PRKCG: variants seen among roughly 807,000 people sequenced by gnomAD.
PRKCG encodes protein kinase C gamma, also known as protein kinase C gamma type.
PRKCG carries 28 observed loss-of-function variants against 82.0 expected under a neutral mutation model. The observed-to-expected ratio is 0.34, with a 90% confidence interval of 0.25 to 0.47. The LOEUF (loss-of-function observed/expected upper bound fraction) is 0.47, where lower values mean the gene tolerates loss of function less well. PRKCG is among the 20% of genes least tolerant of loss of function. PRKCG has a pLI of 1.00. For missense variants in PRKCG, 640 were observed against 952.7 expected (o/e 0.67, Z 4.32); for synonymous variants, 383 against 376.6 (o/e 1.02, Z -0.20).
intron 17 of PRKCG, 83 bp from the exon 18 acceptor site, chr19:53,906,624 A>G (rs2068813791): frequency 7.0e-6 from 11 of 1,560,918 alleles, no homozygotes; most frequent in Non-Finnish European, 9.7e-6. Flanking sequence ...TGCAGGAGAC[A>G]GGAGATGAGA....
chr19:53,906,064 C>CT (rs1295428915), intron 16 of PRKCG, among the ~76,000 whole-genome samples: 1 of 74,864 alleles, frequency 1.3e-5, no homozygotes, highest in Non-Finnish European at 2.3e-5. Flanking sequence ...CCTCCTCCTC[C>CT]TCCTCCTCCT....
chr19:53,902,890 CAAAAAAA>C (rs56955659), intron 14 of PRKCG, among the ~76,000 whole-genome samples, 176 bp from the exon 15 acceptor site: 22 of 19,976 alleles, frequency 1.1e-3, no homozygotes, highest in Admixed American at 2.9e-3. Context: ...GAGACCCTGT[CAAAAAAA>C]AAAAAAAAAA....
rs144823225 is a variant in PRKCG at position 53,904,353 on chromosome 19, G to A, written c.1657-282G>A. ...CTCTCTTCTATTTAACTGACATGTT[G>A]CATAATTAACAGCCTGCTGATTTAC... On this transcript the variant is annotated intron_variant, in intron 15 of 17. Coordinates refer to ENST00000263431, the MANE Select transcript of PRKCG (RefSeq NM_002739.5). Among the ~76,000 whole-genome samples, 356 of 150,628 alleles carry A rather than the reference G, an allele frequency of 2.4e-3. 1 individual carries two copies. The highest frequency in any genetic ancestry group is 3.8e-3 in the Non-Finnish European group (257 of 67,768).
In PRKCG at chr19:53,882,785, T is replaced by C; in HGVS notation, c.170+121T>C. ...TAGTCCCGACTCCCAGGTTCTAGGA[T>C]GGCCAGGGAACGCTGGGAGCTTCGA... On this transcript the variant is annotated intron_variant, in intron 1 of 17. Coordinates refer to ENST00000263431, the MANE Select transcript of PRKCG (RefSeq NM_002739.5). This position sits in a 1 kb window ranked among gnomAD's most constrained non-coding sequence, Gnocchi z 6.1. The C allele has an allele frequency of 7.3e-7, 1 of 1,368,866 alleles. No individual in the cohort carries two copies. The highest frequency in any genetic ancestry group is 9.8e-7 in the Non-Finnish European group (1 of 1,023,168). The allele number at this position is 1,368,866 out of a possible 1,614,324, so 84.8% of individuals were successfully genotyped here.
In PRKCG at chr19:53,892,377, A is replaced by T; in HGVS notation, c.687-132A>T. 1 of 1,380,572 alleles carries T rather than the reference A, an allele frequency of 7.2e-7. No homozygotes were observed. Among genetic ancestry groups the T allele is most frequent in the Non-Finnish European group, 9.8e-7 (1 of 1,017,446 alleles). The allele number at this position is 1,380,572 out of a possible 1,614,324, so 85.5% of individuals were successfully genotyped here. ...GAGAGAGCCCGGCTGGGAAGGTCAG[A>T]GGTCGGAGACCGACAAAGCAGGAGA... is the stretch of plus-strand genomic sequence containing the variant. On this transcript the variant is annotated intron_variant, in intron 6 of 17. Coordinates refer to ENST00000263431, the MANE Select transcript of PRKCG (RefSeq NM_002739.5). The surrounding 1 kb of genome is among the most constrained non-coding windows in gnomAD (Gnocchi z 5.9).
chr19:53,891,815 A>G lies in PRKCG; in HGVS notation c.671A>G (p.Asn224Ser). 2 of 1,614,074 alleles carry G rather than the reference A, an allele frequency of 1.2e-6. No individual in the cohort carries two copies. The highest frequency in any genetic ancestry group is 1.7e-6 in the Non-Finnish European group (2 of 1,179,976). Residue 224 changes from asparagine (N) to serine (S), a missense_variant, in exon 6 of 18, where the codon AAT becomes AGT. Coordinates refer to ENST00000263431, the MANE Select transcript of PRKCG (RefSeq NM_002739.5). ...TVKATLNPVW[N>S]ETFVFNLKPG... The stretch of plus-strand genomic sequence containing the variant: ...AAAGCCACGCTAAACCCTGTGTGGA[A>G]TGAGACCTTTGTGTTGTGAGTCTGG...
chr19:53,889,746 T>C lies in PRKCG; in HGVS notation c.394T>C (p.Ser132Pro), dbSNP rs2122988688. ...YGLVHQGMKC[S>P]CCEMNVHRRC... The stretch of plus-strand genomic sequence containing the variant: ...GCTTGTGCACCAGGGCATGAAATGC[T>C]CCTGTGAGTGACCTGGGCCTTGCCA... Residue 132 changes from serine (S) to proline (P), a missense_variant, in exon 4 of 18, where the codon TCC becomes CCC. Coordinates refer to ENST00000263431, the MANE Select transcript of PRKCG (RefSeq NM_002739.5). This position sits in a 1 kb window ranked among gnomAD's most constrained non-coding sequence, Gnocchi z 4.4. 6.2e-7 allele frequency: 1 copy of C among 1,613,728 alleles called. No homozygotes were observed. Among genetic ancestry groups the C allele is most frequent in the Non-Finnish European group, 8.5e-7 (1 of 1,179,850 alleles).
At position 53,906,078 on chromosome 19, in the gene PRKCG, C is replaced by T. The variant is rs780725368; in HGVS notation, c.1765-239C>T. ...TCCTCCTCCTCCTCCTCCTCCTCCTCCTCCTCCTTCTTCTTCTTCTTCTTC... is the reference window on the plus strand; with the variant it reads ...TCCTCCTCCTCCTCCTCCTCCTCCTTCTCCTCCTTCTTCTTCTTCTTCTTC... On this transcript the variant is annotated intron_variant, in intron 16 of 17. Transcript: ENST00000263431. Among the ~76,000 whole-genome samples, 405 of 43,616 alleles carry T rather than the reference C, an allele frequency of 9.3e-3. 4 individuals carry two copies. The highest frequency in any genetic ancestry group is 0.017 in the Middle Eastern group (1 of 60). The allele number at this position is 43,616 out of a possible 152,430, so 28.6% of individuals were successfully genotyped here.
At chr19:53,906,628 G>C in intron 17 of PRKCG, 79 bp from the exon 18 acceptor site, 2 of 1,564,532 alleles carry the variant, frequency 1.3e-6, no homozygotes, top group Non-Finnish European at 1.8e-6. Flanking sequence ...GGAGACAGGA[G>C]ATGAGACTGG....
In PRKCG at chr19:53,907,243, A is replaced by G; in HGVS notation, c.*348A>G. ...TTGGTAGTTCTGTGCCTCCCCCCAGACCCCGCCCCTGGGGAAATAGCCTCA... is the reference window on the plus strand; with the variant it reads ...TTGGTAGTTCTGTGCCTCCCCCCAGGCCCCGCCCCTGGGGAAATAGCCTCA... On this transcript the variant is annotated 3_prime_UTR_variant, in exon 18 of 18. Coordinates refer to ENST00000263431, the MANE Select transcript of PRKCG (RefSeq NM_002739.5). The G allele has an allele frequency of 2.7e-6, 1 of 368,084 alleles. No homozygotes were observed. The highest frequency in any genetic ancestry group is 5.1e-6 in the Non-Finnish European group (1 of 195,796). 22.8% of individuals were successfully genotyped at this position (368,084 alleles called of 1,614,324 possible). A position where few individuals can be genotyped will look rare whatever the true frequency, so the allele number is the denominator to read the frequency against.
rs1271670102 is a variant in PRKCG, at chr19:53,883,998, G to C, written c.203-163G>C. The stretch of plus-strand genomic sequence containing the variant: ...TTTCTGTCTCCTGCTTCTCTCTCTG[G>C]CCTCCGATTTTCTCTCTGTTGGACT... On this transcript the variant is annotated intron_variant, in intron 2 of 17. Coordinates refer to ENST00000263431, the MANE Select transcript of PRKCG (RefSeq NM_002739.5). This position sits in a 1 kb window ranked among gnomAD's most constrained non-coding sequence, Gnocchi z 5.4. Among the ~76,000 whole-genome samples, 2 of 151,646 alleles carry C rather than the reference G, an allele frequency of 1.3e-5. No homozygotes were observed. The highest frequency in any genetic ancestry group is 2.9e-5 in the Non-Finnish European group (2 of 67,916).
chr19:53,884,100 T>C lies in PRKCG; in HGVS notation c.203-61T>C. 2 of 1,532,866 alleles carry C rather than the reference T, an allele frequency of 1.3e-6. No homozygotes were observed. Among genetic ancestry groups the C allele is most frequent in the South Asian group, 1.1e-5 (1 of 89,412 alleles). 95.0% of individuals were successfully genotyped at this position (1,532,866 alleles called of 1,614,324 possible). A position where few individuals can be genotyped will look rare whatever the true frequency, so the allele number is the denominator to read the frequency against. On this transcript the variant is annotated intron_variant, in intron 2 of 17. Coordinates refer to ENST00000263431, the MANE Select transcript of PRKCG (RefSeq NM_002739.5). This position sits in a 1 kb window ranked among gnomAD's most constrained non-coding sequence, Gnocchi z 4.6. ...TCTCTCTTTCCAATTTTCTGTCTGC[T>C]GGGGTCTCCCGCTGGACTAATCCAT...
Position 53,900,607 on chromosome 19 carries a change from C to T in PRKCG, c.1437-4C>T, listed in dbSNP as rs772469941. The T allele has an allele frequency of 1.5e-5, 25 of 1,614,134 alleles. No individual in the cohort carries two copies. The highest frequency in any genetic ancestry group is 1.7e-5 in the Non-Finnish European group (20 of 1,180,060). On this transcript the variant is annotated splice_polypyrimidine_tract_variant and splice_region_variant and intron_variant, in intron 13 of 17. Coordinates refer to ENST00000263431, the MANE Select transcript of PRKCG (RefSeq NM_002739.5). This position sits in a 1 kb window ranked among gnomAD's most constrained non-coding sequence, Gnocchi z 4.2. The stretch of plus-strand genomic sequence containing the variant: ...TTCCTGCCCCACACCCCTGCATCGT[C>T]CAGGGACCTGAAGCTGGACAATGTG...
chr19:53,889,867 C>T lies in PRKCG; in HGVS notation c.398-19C>T, dbSNP rs1318755795. On this transcript the variant is annotated intron_variant, in intron 4 of 17. Coordinates refer to ENST00000263431, the MANE Select transcript of PRKCG (RefSeq NM_002739.5). This position sits in a 1 kb window ranked among gnomAD's most constrained non-coding sequence, Gnocchi z 4.4. ...TTGGGGGCGGGGCCTGAGGTGCTAC[C>T]CGCAGCTTTCCCCTCCAGGCTGCGA... is the stretch of plus-strand genomic sequence containing the variant. The T allele has an allele frequency of 6.3e-7, 1 of 1,575,762 alleles. No individual in the cohort carries two copies. Among genetic ancestry groups the T allele is most frequent in the Non-Finnish European group, 8.6e-7 (1 of 1,161,436 alleles).
Position 53,890,031 on chromosome 19 carries a change from C to A in PRKCG, c.529+14C>A. 6.4e-7 allele frequency: 1 copy of A among 1,551,702 alleles called. No individual in the cohort carries two copies. The stretch of plus-strand genomic sequence containing the variant: ...TCCACGTAACTGGTGAGGCCCCGCC[C>A]CCTCGCCTGGCCCCGCCCCCTCCCC... On this transcript the variant is annotated intron_variant, in intron 5 of 17. Coordinates refer to ENST00000263431, the MANE Select transcript of PRKCG (RefSeq NM_002739.5).
In PRKCG at chr19:53,891,443, A is replaced by AT. The variant is rs11378432; in HGVS notation, c.530-216dup. Among the ~76,000 whole-genome samples, 49,069 of 142,034 alleles carry AT rather than the reference A, an allele frequency of 0.35. 9,396 individuals carry two copies. The highest frequency in any genetic ancestry group is 0.54 in the African/African-American group (20,696 of 38,434). The allele number at this position is 142,034 out of a possible 152,430, so 93.2% of individuals were successfully genotyped here. ...AGACACCTGCCACCACGCCCAGCTA[A>AT]TTTTTTTTTTTTTTTGTATTTTTAG... On this transcript the variant is annotated intron_variant, in intron 5 of 17. Transcript: ENST00000263431.
At position 53,907,045 on chromosome 19, in the gene PRKCG, C is replaced by T; in HGVS notation, c.*150C>T. The stretch of plus-strand genomic sequence containing the variant: ...GCCCCCGCGGGTTCTAGACGCCCCT[C>T]CCAAGCGTTCCTGGCCTTCTGAACT... On this transcript the variant is annotated 3_prime_UTR_variant, in exon 18 of 18. Coordinates refer to ENST00000263431, the MANE Select transcript of PRKCG (RefSeq NM_002739.5). The T allele has an allele frequency of 6.6e-7, 1 of 1,515,644 alleles. No individual in the cohort carries two copies. The highest frequency in any genetic ancestry group is 8.8e-7 in the Non-Finnish European group (1 of 1,131,536). 93.9% of individuals were successfully genotyped at this position (1,515,644 alleles called of 1,614,324 possible).
At chr19:53,891,965 A>G (rs2068679861) in intron 6 of PRKCG, 135 bp downstream of exon 6, 2 of 1,148,086 alleles carry the variant, frequency 1.7e-6, no homozygotes, top group African/African-American at 1.5e-5. Flanking sequence ...AGATGGTGGG[A>G]AAAGGGAATA....
In PRKCG at chr19:53,898,045, TCCAGGA is replaced by T. The variant is rs779378952; in HGVS notation, c.1028_1033del (p.Pro343_Gly344del). 1 of 1,613,788 alleles carries T rather than the reference TCCAGGA, an allele frequency of 6.2e-7. No individual in the cohort carries two copies. On this transcript the variant is annotated inframe_deletion, in exon 10 of 18. Transcript: ENST00000263431. ...CCAAGCGCTGCTTCTTCGGGGCGAG[TCCAGGA>T]CGCCTGCACATCTCCGACTTCAGCT...
Sources: allele counts gnomAD v4.1 joint callset (sites outside exome capture counted in the v4.1 genomes callset), GRCh38; gene constraint gnomAD v4.1.1; non-coding constraint Gnocchi (gnomAD v3.1); transcripts MANE v1.5; gene names NCBI Gene and HGNC (gene_info 2026-07-23, HGNC 2026-07-21).